DTL: variants seen among roughly 807,000 people sequenced by gnomAD.
The protein encoded by DTL is denticleless protein homolog.
In DTL, 46 loss-of-function variants were observed where a neutral mutation model predicts 87.0. The observed-to-expected ratio is 0.53, with a 90% CI of 0.42 to 0.68. DTL has a LOEUF of 0.68. Among genes scored for constraint, DTL ranks in the 30% least tolerant of loss-of-function variants. DTL has a pLI of 0.00. For synonymous variants in DTL, 308 were observed against 311.2 expected (o/e 0.99, Z 0.11); for missense variants, 737 against 869.4 (o/e 0.85, Z 1.91).
chr1:212,068,387 AG>A (rs1654574255), intron 9 of DTL, 60 bp downstream of exon 9: 1 of 977,780 alleles, frequency 1.0e-6, no homozygotes, highest in Non-Finnish European at 1.5e-6. Flanking sequence ...AAAAAAAAAA[AG>A]GCTAATTTCC....
chr1:212,042,144 C>G (rs1019789515), intron 1 of DTL, among the ~76,000 whole-genome samples: 2 of 152,116 alleles, frequency 1.3e-5, no homozygotes, highest in African/African-American at 2.4e-5. Context: ...TCAGTAATTA[C>G]TTGTTGAATG....
At chr1:212,098,695 C>T (rs534948471) in intron 13 of DTL, among the ~76,000 whole-genome samples, 5 of 152,164 alleles carry the variant, frequency 3.3e-5, no homozygotes, top group Admixed American at 1.3e-4. Flanking sequence ...AGGGGAAAGC[C>T]GGCAGTGACA....
chr1:212,051,161 A>T (rs1667957649), intron 5 of DTL, among the ~76,000 whole-genome samples: 1 of 151,688 alleles, frequency 6.6e-6, no homozygotes, highest in Admixed American at 6.6e-5. Flanking sequence ...TTTTCATCCT[A>T]CTTGTGTTGA....
intron 13 of DTL, among the ~76,000 whole-genome samples, chr1:212,088,421 G>A (rs1203413488): frequency 6.6e-6 from 1 of 152,180 alleles, no homozygotes; most frequent in African/African-American, 2.4e-5. Flanking sequence ...ACCATTATTA[G>A]CTGCCCTCGA....
At chr1:212,099,686 C>A (rs1178175627) in intron 13 of DTL, 3 of 152,584 alleles carry the variant, frequency 2.0e-5, no homozygotes, top group African/African-American at 7.2e-5. Flanking sequence ...CCCTCTCACA[C>A]TTTGGGCACT....
At chr1:212,078,445 A>G (rs1654899142) in intron 12 of DTL, among the ~76,000 whole-genome samples, 183 bp downstream of exon 12, 3 of 152,154 alleles carry the variant, frequency 2.0e-5, no homozygotes, top group African/African-American at 7.2e-5. Flanking sequence ...TACCCATACC[A>G]TAATGGTATT....
At chr1:212,050,004 C>G (rs1210956589) in intron 5 of DTL, among the ~76,000 whole-genome samples, 1 of 3,096 alleles carries the variant, frequency 3.2e-4, no homozygotes, top group African/African-American at 3.7e-4. Context: ...TAGTGAGACC[C>G]TATAAGAAAA....
chr1:212,062,436 A>C lies in DTL; in HGVS notation c.461-448A>C, dbSNP rs546805185. ...ATACAGTTTAGAGGTTTGGAGTGTA[A>C]GCTCTGGATTCATACTGCCAGGAAT... On this transcript the variant is annotated intron_variant, in intron 5 of 14. Coordinates refer to ENST00000366991, the MANE Select transcript of DTL (RefSeq NM_016448.4). Among the ~76,000 whole-genome samples the C allele has an allele frequency of 2.0e-5, 3 of 152,258 alleles. No homozygotes were observed. In the East Asian group the frequency reaches 5.8e-4, roughly 29 times the overall value.
intron 13 of DTL, among the ~76,000 whole-genome samples, chr1:212,083,923 T>C (rs1326620577): frequency 3.3e-5 from 5 of 152,242 alleles, no homozygotes. Context: ...TTTACTCTTA[T>C]ATTCTCTCAG....
intron 11 of DTL, among the ~76,000 whole-genome samples, chr1:212,074,089 A>G (rs1447946887): frequency 6.6e-6 from 1 of 151,974 alleles, no homozygotes; most frequent in Admixed American, 6.6e-5. Context: ...AAAAGCATAT[A>G]AGAATAATTC....
At chr1:212,062,341 C>T (rs1378405086) in intron 5 of DTL, among the ~76,000 whole-genome samples, 1 of 152,178 alleles carries the variant, frequency 6.6e-6, no homozygotes, top group African/African-American at 2.4e-5. Flanking sequence ...CTTTTCCAAT[C>T]CCATTGCATC....
intron 7 of DTL, among the ~76,000 whole-genome samples, chr1:212,065,380 T>C (rs1207451922): frequency 6.6e-6 from 1 of 152,198 alleles, no homozygotes. Flanking sequence ...TATCTACATT[T>C]TAAAAAATTG....
At chr1:212,066,736 T>A (rs1654517519) in intron 7 of DTL, 76 bp from the exon 8 acceptor site, 2 of 1,428,876 alleles carry the variant, frequency 1.4e-6, no homozygotes, top group Non-Finnish European at 1.9e-6. Context: ...AAAAGTCGTT[T>A]TTTAGCACCT....
chr1:212,036,116 T>A (rs1482955376), intron 1 of DTL, among the ~76,000 whole-genome samples, 174 bp downstream of exon 1: 1 of 152,182 alleles, frequency 6.6e-6, no homozygotes, highest in Non-Finnish European at 1.5e-5. Context: ...TTTCATCCCC[T>A]CGGGACACTT....
chr1:212,091,564 A>C (rs1393898606), intron 13 of DTL, among the ~76,000 whole-genome samples: 1 of 152,242 alleles, frequency 6.6e-6, no homozygotes, highest in Admixed American at 6.5e-5. Context: ...TCATCAGATA[A>C]AGACAATATG....
chr1:212,049,042 C>T (rs1446242487), intron 5 of DTL, among the ~76,000 whole-genome samples: 1 of 152,300 alleles, frequency 6.6e-6, no homozygotes, highest in East Asian at 1.9e-4. Context: ...CATGCCTCAA[C>T]TTCCCAAGTA....
rs1655670604 is a variant in DTL at position 212,103,040 on chromosome 1, C to G, written c.*100C>G. 1 of 619,690 alleles carries G rather than the reference C, an allele frequency of 1.6e-6. No individual in the cohort carries two copies. The highest frequency in any genetic ancestry group is 3.6e-5 in the Admixed American group (1 of 27,734). The allele number at this position is 619,690 out of a possible 1,614,324, so 38.4% of individuals were successfully genotyped here. A position where few individuals can be genotyped will look rare whatever the true frequency, so the allele number is the denominator to read the frequency against. On this transcript the variant is annotated 3_prime_UTR_variant, in exon 15 of 15. Coordinates refer to ENST00000366991, the MANE Select transcript of DTL (RefSeq NM_016448.4). ...AAAATACAAGAGTGACTCTATAACT[C>G]TGGTCTTTAAGAAAGCTGCCTTTTC...
intron 5 of DTL, 146 bp downstream of exon 5, chr1:212,047,563 C>G: frequency 8.7e-7 from 1 of 1,144,550 alleles, no homozygotes; most frequent in Non-Finnish European, 1.2e-6. Context: ...GAGACAGTTT[C>G]GTTCTGTTGC....
At chr1:212,078,068 T>C in intron 11 of DTL, 105 bp from the exon 12 acceptor site, 1 of 616,340 alleles carries the variant, frequency 1.6e-6, no homozygotes, top group Non-Finnish European at 2.9e-6. Flanking sequence ...TAGTGGCCTT[T>C]GGTAACAATC....
Sources: allele counts gnomAD v4.1 joint callset (sites outside exome capture counted in the v4.1 genomes callset), GRCh38; gene constraint gnomAD v4.1.1; transcripts MANE v1.5; gene names NCBI Gene and HGNC (gene_info 2026-07-23, HGNC 2026-07-21).